Variants in CACUL1 observed in about 807,000 individuals in gnomAD.
The protein encoded by CACUL1 is CDK2-associated and cullin domain-containing protein 1.
Under a neutral mutation model 45.2 loss-of-function variants are expected in CACUL1, and 13 were observed. That is an observed-to-expected ratio of 0.29 (90% CI 0.19 to 0.46). The LOEUF (loss-of-function observed/expected upper bound fraction) is 0.46, where lower values mean the gene tolerates loss of function less well. Ranked by LOEUF, CACUL1 falls within the 20% of genes least tolerant of loss-of-function variation. The pLI, the probability that CACUL1 is intolerant of heterozygous loss-of-function variation, is 1.00. For missense variants in CACUL1, 421 were observed against 471.4 expected (o/e 0.89, Z 0.99); for synonymous variants, 197 against 174.2 (o/e 1.13, Z -1.03).
intron 1 of CACUL1, among the ~76,000 whole-genome samples, chr10:118,734,245 T>C (rs983361524): frequency 2.0e-5 from 3 of 152,200 alleles, no homozygotes; most frequent in African/African-American, 4.8e-5. Flanking sequence ...GAAATAAAAA[T>C]CACTCATAAT....
At chr10:118,689,041 T>G (rs1033130238) in intron 7 of CACUL1, among the ~76,000 whole-genome samples, 9 of 152,242 alleles carry the variant, frequency 5.9e-5, no homozygotes, top group African/African-American at 1.9e-4. Context: ...AATCACGTGG[T>G]TGGTTAGGCA....
chr10:118,690,284 G>A (rs1360085252), intron 7 of CACUL1, among the ~76,000 whole-genome samples: 1 of 139,110 alleles, frequency 7.2e-6, no homozygotes, highest in Non-Finnish European at 1.5e-5. Flanking sequence ...GTCCGGCCTG[G>A]GCGACAGAGC....
intron 1 of CACUL1, among the ~76,000 whole-genome samples, chr10:118,742,411 C>A (rs1471136940): frequency 6.6e-6 from 1 of 152,182 alleles, no homozygotes; most frequent in African/African-American, 2.4e-5. Context: ...AAACAGTATT[C>A]ATTTTCTTTA....
intron 7 of CACUL1, among the ~76,000 whole-genome samples, chr10:118,690,413 C>T (rs1564827729): frequency 6.7e-6 from 1 of 149,388 alleles, no homozygotes; most frequent in Non-Finnish European, 1.5e-5. Flanking sequence ...TGGGGAATCA[C>T]AAAAATTGTA....
Position 118,676,737 on chromosome 10 carries a change from T to C in CACUL1, c.*9391A>G, listed in dbSNP as rs1050698172. On this transcript the variant is annotated 3_prime_UTR_variant, in exon 9 of 9. Coordinates refer to ENST00000369151, the MANE Select transcript of CACUL1 (RefSeq NM_153810.5). ...TAACCACAAATACCACAAACAATAT[T>C]TTAAAACATTTTTACTTCATCTTTT... The C allele has an allele frequency of 6.6e-6, 1 of 152,204 alleles. No individual in the cohort carries two copies. Among genetic ancestry groups the C allele is most frequent in the Non-Finnish European group, 1.5e-5 (1 of 68,032 alleles). The allele number at this position is 152,204 out of a possible 1,614,324, so 9.4% of individuals were successfully genotyped here.
At chr10:118,732,346 C>T (rs949133034) in intron 1 of CACUL1, among the ~76,000 whole-genome samples, 4 of 152,118 alleles carry the variant, frequency 2.6e-5, no homozygotes, top group Admixed American at 2.0e-4. Flanking sequence ...GCTTCAGCAC[C>T]GAAGGATGGG....
In CACUL1 at chr10:118,685,103, T is replaced by C. The variant is rs1366244602; in HGVS notation, c.*1025A>G. 6.6e-6 allele frequency: 1 copy of C among 152,164 alleles called. No individual in the cohort carries two copies. Among genetic ancestry groups the C allele is most frequent in the Non-Finnish European group, 1.5e-5 (1 of 68,022 alleles). 9.4% of individuals were successfully genotyped at this position (152,164 alleles called of 1,614,324 possible). The stretch of plus-strand genomic sequence containing the variant: ...TTTTTTTAAGTAATTATCTCATTCA[T>C]TTAAAATGAAGTGATCAGGAACCCC... On this transcript the variant is annotated 3_prime_UTR_variant, in exon 9 of 9. Transcript: ENST00000369151.
chr10:118,754,156 G>A (rs541250105), intron 1 of CACUL1, among the ~76,000 whole-genome samples: 1 of 152,176 alleles, frequency 6.6e-6, no homozygotes, highest in Non-Finnish European at 1.5e-5. Flanking sequence ...GTGTGTACCA[G>A]GCTGCCTCTC....
At chr10:118,707,450 T>C (rs766213325) in intron 4 of CACUL1, 42 bp downstream of exon 4, 3 of 915,574 alleles carry the variant, frequency 3.3e-6, no homozygotes, top group South Asian at 2.7e-5. Context: ...CTCTCAACAA[T>C]ACACCTAGGT....
chr10:118,735,340 T>C (rs1197961997), intron 1 of CACUL1, among the ~76,000 whole-genome samples: 1 of 152,220 alleles, frequency 6.6e-6, no homozygotes, highest in Non-Finnish European at 1.5e-5. Context: ...GAATTCATAC[T>C]TGGTCTACTG....
At chr10:118,712,701 G>A (rs961936722) in intron 3 of CACUL1, among the ~76,000 whole-genome samples, 17 of 152,036 alleles carry the variant, frequency 1.1e-4, no homozygotes, top group African/African-American at 2.7e-4. Flanking sequence ...GCAGCTGGTC[G>A]TCCCACTGTG....
At chr10:118,726,281 T>A in intron 3 of CACUL1, 1 of 1,269,066 alleles carries the variant, frequency 7.9e-7, no homozygotes, top group Non-Finnish European at 1.0e-6. Context: ...TGCTTACAAA[T>A]CTAGAGAGCA....
intron 1 of CACUL1, among the ~76,000 whole-genome samples, chr10:118,747,601 A>G (rs1267403364): frequency 6.6e-6 from 1 of 151,708 alleles, no homozygotes; most frequent in African/African-American, 2.4e-5. Flanking sequence ...CTCCTCAGTC[A>G]GAAAAATGAA....
chr10:118,715,795 ATAAG>A (rs754002441), intron 3 of CACUL1, among the ~76,000 whole-genome samples: 10 of 152,200 alleles, frequency 6.6e-5, no homozygotes, highest in East Asian at 5.8e-4. Context: ...TTGTCTTCAA[ATAAG>A]TAAGTGACTT....
Position 118,685,131 on chromosome 10 carries a change from A to C in CACUL1, c.*997T>G, listed in dbSNP as rs1845191247. ...AAAATGAAGTGATCAGGAACCCCAC[A>C]CCACTGTGTATTTGGACTTAATAAC... On this transcript the variant is annotated 3_prime_UTR_variant, in exon 9 of 9. Coordinates refer to ENST00000369151, the MANE Select transcript of CACUL1 (RefSeq NM_153810.5). The C allele has an allele frequency of 6.6e-6, 1 of 152,204 alleles. No individual in the cohort carries two copies. The highest frequency in any genetic ancestry group is 1.5e-5 in the Non-Finnish European group (1 of 68,032). The allele number at this position is 152,204 out of a possible 1,614,324, so 9.4% of individuals were successfully genotyped here.
rs1259231027 is a variant in CACUL1 at position 118,680,825 on chromosome 10, T to C, written c.*5303A>G. 6.6e-6 allele frequency: 1 copy of C among 152,220 alleles called. No individual in the cohort carries two copies. Among genetic ancestry groups the C allele is most frequent in the Non-Finnish European group, 1.5e-5 (1 of 68,034 alleles). 9.4% of individuals were successfully genotyped at this position (152,220 alleles called of 1,614,324 possible). A position where few individuals can be genotyped will look rare whatever the true frequency, so the allele number is the denominator to read the frequency against. On this transcript the variant is annotated 3_prime_UTR_variant, in exon 9 of 9. Transcript: ENST00000369151. ...ACACTCACCCTGCAGGCTAAGTAAC[T>C]GTGGTAACAGATGTGTGCTCAGTGT...
chr10:118,694,066 G>A lies in CACUL1; in HGVS notation c.886+1075C>T, dbSNP rs779569947. Among the ~76,000 whole-genome samples, 29 of 152,136 alleles carry A rather than the reference G, an allele frequency of 1.9e-4. 1 individual carries two copies. The highest frequency in any genetic ancestry group is 8.5e-4 in the Admixed American group (13 of 15,276). On this transcript the variant is annotated intron_variant, in intron 6 of 8. Coordinates refer to ENST00000369151, the MANE Select transcript of CACUL1 (RefSeq NM_153810.5). ...TTTTTAGTAGAGACGAGGTTTCACCGTGTTAGCCAGGATGGTCTGGATCTC... is the reference window on the plus strand; with the variant it reads ...TTTTTAGTAGAGACGAGGTTTCACCATGTTAGCCAGGATGGTCTGGATCTC...
rs561997247 is a variant in CACUL1 at position 118,700,185 on chromosome 10, T to G, written c.796+1121A>C. On this transcript the variant is annotated intron_variant, in intron 5 of 8. Transcript: ENST00000369151. ...TTTGTAGATTCTGGTAAAAGTTCATTGTGGTGAACGCTAATTACGGCTCAA... is the reference window on the plus strand; with the variant it reads ...TTTGTAGATTCTGGTAAAAGTTCATGGTGGTGAACGCTAATTACGGCTCAA... 2.6e-5 allele frequency among the ~76,000 whole-genome samples: 4 copies of G among 152,132 alleles called. 1 individual carries two copies. In the South Asian group the frequency reaches 6.2e-4, roughly 24 times the overall value.
At chr10:118,748,240 C>T (rs1482171117) in intron 1 of CACUL1, among the ~76,000 whole-genome samples, 3 of 152,192 alleles carry the variant, frequency 2.0e-5, no homozygotes, top group Admixed American at 2.0e-4. Context: ...AATGCAATCA[C>T]TCTTGAACCT....
Sources: allele counts gnomAD v4.1 joint callset (sites outside exome capture counted in the v4.1 genomes callset), GRCh38; gene constraint gnomAD v4.1.1; transcripts MANE v1.5; gene names NCBI Gene and HGNC (gene_info 2026-07-23, HGNC 2026-07-21).